CACNA2D3: variants seen among roughly 807,000 people sequenced by gnomAD.
CACNA2D3 encodes the protein voltage-dependent calcium channel subunit alpha-2/delta-3.
CACNA2D3 carries 60 observed loss-of-function variants against 160.6 expected under a neutral mutation model. The observed-to-expected ratio is 0.37, with a 90% CI of 0.30 to 0.46. The LOEUF is 0.46. Among genes scored for constraint, CACNA2D3 ranks in the 20% least tolerant of loss-of-function variants. The probability of loss-of-function intolerance (pLI) is 1.00; values close to 1 mark genes in which losing one functional copy is unlikely to be tolerated. For missense variants in CACNA2D3, 1,205 were observed against 1,365.0 expected (o/e 0.88, Z 1.85); for synonymous variants, 558 against 492.9 (o/e 1.13, Z -1.75).
At chr3:55,057,449 G>A (rs995775449) in intron 35 of CACNA2D3, among the ~76,000 whole-genome samples, 2 of 152,142 alleles carry the variant, frequency 1.3e-5, no homozygotes, top group Admixed American at 6.5e-5. Flanking sequence ...AAAAAAGAGG[G>A]TTAGCAATGG....
At chr3:54,371,878 C>CT (rs920345140) in intron 3 of CACNA2D3, among the ~76,000 whole-genome samples, 3 of 152,174 alleles carry the variant, frequency 2.0e-5, no homozygotes, top group African/African-American at 7.2e-5. Flanking sequence ...AAAACGTGGC[C>CT]TGAACTGACA....
At chr3:54,942,280 C>T (rs1244849982) in intron 27 of CACNA2D3, among the ~76,000 whole-genome samples, 2 of 152,196 alleles carry the variant, frequency 1.3e-5, no homozygotes, top group Non-Finnish European at 2.9e-5. Context: ...TCTGAACAGG[C>T]AGTCAGTCAA....
chr3:55,042,001 G>A (rs948341496), intron 35 of CACNA2D3, among the ~76,000 whole-genome samples: 1 of 152,068 alleles, frequency 6.6e-6, no homozygotes, highest in Non-Finnish European at 1.5e-5. Flanking sequence ...CAACTCTGTT[G>A]TGGTTGGAAA....
chr3:54,800,004 G>C (rs926984555), intron 13 of CACNA2D3, among the ~76,000 whole-genome samples: 14 of 152,150 alleles, frequency 9.2e-5, no homozygotes, highest in Non-Finnish European at 1.8e-4. Context: ...TACATGACAT[G>C]CATAAATTAT....
chr3:54,127,373 C>T (rs548148971), intron 2 of CACNA2D3, among the ~76,000 whole-genome samples: 2 of 152,216 alleles, frequency 1.3e-5, no homozygotes, highest in Non-Finnish European at 2.9e-5. Flanking sequence ...GTTGATATCT[C>T]TTTCCACAGG....
chr3:54,128,998 T>G (rs548014032), intron 2 of CACNA2D3, among the ~76,000 whole-genome samples: 4 of 152,226 alleles, frequency 2.6e-5, no homozygotes, highest in Non-Finnish European at 5.9e-5. Context: ...CTGGTAAAAC[T>G]GACAGAATCC....
intron 14 of CACNA2D3, among the ~76,000 whole-genome samples, chr3:54,835,142 T>C (rs946779567): frequency 9.8e-5 from 15 of 152,290 alleles, no homozygotes; most frequent in Non-Finnish European, 1.9e-4. Flanking sequence ...ACCAGGAGAT[T>C]CTTGCTTCAT....
chr3:54,760,779 T>C (rs553216739), intron 12 of CACNA2D3, among the ~76,000 whole-genome samples: 184 of 152,076 alleles, frequency 1.2e-3, no homozygotes, highest in Non-Finnish European at 1.9e-3. Context: ...AGGATAATTA[T>C]GTTTTGGCCT....
At position 54,947,947 on chromosome 3, in the gene CACNA2D3, C is replaced by G. The variant is rs142122899; in HGVS notation, c.2450-20503C>G. Among the ~76,000 whole-genome samples, 892 of 152,268 alleles carry G rather than the reference C, an allele frequency of 5.9e-3. 13 individuals are homozygous for G. The highest frequency in any genetic ancestry group is 0.02 in the African/African-American group (848 of 41,550). ...ATGGCCTCTGTCTCTTTGCTGCCTT[C>G]TAAATCTAGCACCAGCTCCTTATTG... On this transcript the variant is annotated intron_variant, in intron 27 of 37. Coordinates refer to ENST00000474759, the MANE Select transcript of CACNA2D3 (RefSeq NM_018398.3).
chr3:54,474,148 C>T (rs553781607), intron 4 of CACNA2D3, among the ~76,000 whole-genome samples: 135 of 152,260 alleles, frequency 8.9e-4, no homozygotes, highest in Non-Finnish European at 1.3e-3. Context: ...GGAACCAACC[C>T]AAATGCCCAT....
intron 13 of CACNA2D3, among the ~76,000 whole-genome samples, chr3:54,774,780 G>A (rs1180520393): frequency 6.6e-6 from 1 of 151,582 alleles, no homozygotes; most frequent in Non-Finnish European, 1.5e-5. Flanking sequence ...GATTACAGGC[G>A]CCCGCCACCA....
At chr3:54,454,297 T>C (rs944143225) in intron 4 of CACNA2D3, among the ~76,000 whole-genome samples, 1 of 152,194 alleles carries the variant, frequency 6.6e-6, no homozygotes, top group African/African-American at 2.4e-5. Flanking sequence ...TGCATTCCTT[T>C]ATGTAGCCAA....
chr3:54,362,090 A>G (rs550838907), intron 3 of CACNA2D3, among the ~76,000 whole-genome samples: 1 of 152,364 alleles, frequency 6.6e-6, no homozygotes, highest in South Asian at 2.1e-4. Flanking sequence ...ACCCACCATA[A>G]CAAATCACCA....
chr3:54,325,933 C>T (rs1443849317), intron 3 of CACNA2D3, among the ~76,000 whole-genome samples: 1 of 152,094 alleles, frequency 6.6e-6, no homozygotes, highest in Non-Finnish European at 1.5e-5. Context: ...GAGTGTTTTG[C>T]TTAAAAATAA....
intron 2 of CACNA2D3, among the ~76,000 whole-genome samples, chr3:54,127,668 A>T (rs1446137235): frequency 6.6e-6 from 1 of 152,224 alleles, no homozygotes. Flanking sequence ...AATTCATAGC[A>T]TTACTTTAAA....
intron 6 of CACNA2D3, among the ~76,000 whole-genome samples, chr3:54,566,013 A>G (rs1398708700): frequency 6.6e-6 from 1 of 152,134 alleles, no homozygotes; most frequent in African/African-American, 2.4e-5. Flanking sequence ...GAATGAATGA[A>G]TCACCCATTA....
intron 27 of CACNA2D3, among the ~76,000 whole-genome samples, chr3:54,960,201 G>C (rs774747092): frequency 3.3e-5 from 5 of 152,078 alleles, no homozygotes; most frequent in Non-Finnish European, 4.4e-5. Context: ...GATTAAAATA[G>C]GCCTCCTCAG....
intron 2 of CACNA2D3, among the ~76,000 whole-genome samples, chr3:54,222,838 G>A (rs1425405239): frequency 9.9e-5 from 15 of 152,090 alleles, no homozygotes; most frequent in Admixed American, 3.9e-4. Context: ...TAAGGAATAC[G>A]TAGTTAAGTT....
intron 3 of CACNA2D3, among the ~76,000 whole-genome samples, chr3:54,334,639 C>G (rs550004276): frequency 1.1e-4 from 16 of 152,256 alleles, no homozygotes; most frequent in African/African-American, 3.6e-4. Flanking sequence ...GAGGCTGGTT[C>G]CCTCAGACTA....
Sources: gnomAD v4.1 joint callset for allele counts (sites outside exome capture counted in the v4.1 genomes callset) on GRCh38, gnomAD v4.1.1 for gene constraint, MANE v1.5 for transcripts, NCBI Gene and HGNC (gene_info 2026-07-23, HGNC 2026-07-21) for gene names.